Variants in PRR12 observed in about 807,000 individuals in gnomAD.
PRR12 encodes proline rich 12.
In PRR12, 12 loss-of-function variants were observed where a neutral mutation model predicts 138.0. That is an observed-to-expected ratio of 0.09 (90% CI 0.06 to 0.14). The LOEUF (loss-of-function observed/expected upper bound fraction) is 0.14. Among genes scored for constraint, PRR12 ranks in the 10% least tolerant of loss-of-function variants. PRR12 has a pLI of 1.00. For synonymous variants in PRR12, 1,567 were observed against 1,291.7 expected (o/e 1.21, Z -4.57); for missense variants, 2,692 against 2,861.3 (o/e 0.94, Z 1.35).
intron 5 of PRR12, 104 bp downstream of exon 5, chr19:49,600,042 A>G (rs2080801519): frequency 3.3e-6 from 4 of 1,206,190 alleles, no homozygotes; most frequent in African/African-American, 3.1e-5. Flanking sequence ...CCATTCACAT[A>G]CATGGTGTAA....
intron 11 of PRR12, 43 bp from the exon 12 acceptor site, chr19:49,624,801 T>C (rs2080946007): frequency 6.3e-7 from 1 of 1,593,780 alleles, no homozygotes; most frequent in East Asian, 2.2e-5. Flanking sequence ...TTGGGGTTTA[T>C]GGATCCAGGG....
chr19:49,599,980 T>G lies in PRR12; in HGVS notation c.4345+42T>G, dbSNP rs1250196807. ...TGGTCTGGGAGTAGAGCTTAAAGGT[T>G]ATTATGATCACTAGGTAACAGTTGT... On this transcript the variant is annotated intron_variant, in intron 5 of 13. Transcript: ENST00000418929. The surrounding 1 kb of genome is among the most constrained non-coding windows in gnomAD (Gnocchi z 5.0). The G allele has an allele frequency of 1.3e-6, 2 of 1,515,890 alleles. No homozygotes were observed. Among genetic ancestry groups the G allele is most frequent in the Non-Finnish European group, 1.8e-6 (2 of 1,125,854 alleles). 93.9% of individuals were successfully genotyped at this position (1,515,890 alleles called of 1,614,324 possible).
At position 49,601,718 on chromosome 19, in the gene PRR12, G is replaced by GCTC; in HGVS notation, c.4579_4581dup (p.Pro1527dup). On this transcript the variant is annotated inframe_insertion, in exon 6 of 14. Transcript: ENST00000418929. ...CCCACCAGCCGCTGCCCCACTGGCT[G>GCTC]CTCCTCCTGAGGAGCCCGCCGCCCC... 2.6e-6 allele frequency: 4 copies of GCTC among 1,543,592 alleles called. No homozygotes were observed. The highest frequency in any genetic ancestry group is 3.5e-6 in the Non-Finnish European group (4 of 1,147,078).
chr19:49,603,396 G>C (rs1485044442), intron 6 of PRR12, among the ~76,000 whole-genome samples: 1 of 152,218 alleles, frequency 6.6e-6, no homozygotes, highest in African/African-American at 2.4e-5. Flanking sequence ...TGTACAGTGT[G>C]ACATTTAATC....
rs187615535 is a variant in PRR12, at chr19:49,593,217, C to T, written c.87-110C>T. On this transcript the variant is annotated intron_variant, in intron 1 of 13. Transcript: ENST00000418929. ...CCTACGGTTCCTTAGCTTAACACCC[C>T]CCACCCCGGTCAGCTGGAAGGGTCC... is the stretch of plus-strand genomic sequence containing the variant. The T allele has an allele frequency of 9.0e-5, 54 of 600,056 alleles. No homozygotes were observed. In the African/African-American group the frequency reaches 9.2e-4, roughly 10 times the overall value. The allele number at this position is 600,056 out of a possible 1,614,324, so 37.2% of individuals were successfully genotyped here. A position where few individuals can be genotyped will look rare whatever the true frequency, so the allele number is the denominator to read the frequency against.
intron 11 of PRR12, among the ~76,000 whole-genome samples, chr19:49,623,153 C>G (rs2080934572): frequency 6.6e-6 from 1 of 151,708 alleles, no homozygotes; most frequent in African/African-American, 2.4e-5. Context: ...TTGGAAAATT[C>G]TGGGTAGCAT....
chr19:49,597,107 G>C lies in PRR12; in HGVS notation c.2772G>C (p.Pro924=). 1 of 1,551,044 alleles carries C rather than the reference G, an allele frequency of 6.4e-7. No individual in the cohort carries two copies. Among genetic ancestry groups the C allele is most frequent in the East Asian group, 2.4e-5 (1 of 41,044 alleles). Residue 924 remains proline, a synonymous_variant, in exon 4 of 14, where the codon CCG becomes CCC. Coordinates refer to ENST00000418929, the MANE Select transcript of PRR12 (RefSeq NM_020719.3). This position sits in a 1 kb window ranked among gnomAD's most constrained non-coding sequence, Gnocchi z 6.3. ...RSPSPQGTKA[P]RFVPLTSICF... is the part of the protein sequence containing the mutation. ...CCAGCCCGCAAGGCACCAAGGCGCCGCGTTTCGTGCCGCTCACCTCCATCT... is the reference window on the plus strand; with the variant it reads ...CCAGCCCGCAAGGCACCAAGGCGCCCCGTTTCGTGCCGCTCACCTCCATCT...
intron 8 of PRR12, 68 bp from the exon 9 acceptor site, chr19:49,615,679 A>G (rs548337667): frequency 7.5e-7 from 1 of 1,336,386 alleles, no homozygotes; most frequent in South Asian, 1.3e-5. Context: ...GGCACTGAGC[A>G]GGGACCCTGA....
At chr19:49,610,269 A>C (rs2080859111) in intron 6 of PRR12, among the ~76,000 whole-genome samples, 1 of 149,430 alleles carries the variant, frequency 6.7e-6, no homozygotes, top group African/African-American at 2.5e-5. Context: ...GCCACCCCGC[A>C]CCCAGCCTGG....
Position 49,621,516 on chromosome 19 carries a change from G to A in PRR12, c.5624-9G>A, listed in dbSNP as rs373986293. On this transcript the variant is annotated splice_polypyrimidine_tract_variant and intron_variant, in intron 10 of 13. Coordinates refer to ENST00000418929, the MANE Select transcript of PRR12 (RefSeq NM_020719.3). ...GTGGCCTTCCTGATACCATGTCCTC[G>A]TCCATCAGACGAGCTGTACCTGCCC... The A allele has an allele frequency of 6.3e-5, 100 of 1,594,346 alleles. No individual in the cohort carries two copies. The highest frequency in any genetic ancestry group is 2.1e-4 in the East Asian group (9 of 43,866).
rs540806313 is a variant in PRR12, at chr19:49,598,436, G to A, written c.3678+423G>A. On this transcript the variant is annotated intron_variant, in intron 4 of 13. Coordinates refer to ENST00000418929, the MANE Select transcript of PRR12 (RefSeq NM_020719.3). ...CGCACCTTGGCATTTTTGGGGCAGG[G>A]GGATAATAAGGTTTACATTTCTAAA... is the stretch of plus-strand genomic sequence containing the variant. 3.9e-5 allele frequency among the ~76,000 whole-genome samples: 6 copies of A among 152,228 alleles called. No individual in the cohort carries two copies. In the East Asian group the frequency reaches 1.2e-3, roughly 29 times the overall value.
Position 49,625,332 on chromosome 19 carries a change from A to G in PRR12, c.5965-129A>G, listed in dbSNP as rs1402176846. On this transcript the variant is annotated intron_variant, in intron 13 of 13. Transcript: ENST00000418929. The surrounding 1 kb of genome is among the most constrained non-coding windows in gnomAD (Gnocchi z 5.5). ...TTCAGGTCCTTCTGTCTTGGACTTA[A>G]GAATGCAGCCCCCAGCCCTGGTCTC... The G allele has an allele frequency of 6.9e-7, 1 of 1,441,054 alleles. No homozygotes were observed. Among genetic ancestry groups the G allele is most frequent in the East Asian group, 2.5e-5 (1 of 40,784 alleles). The allele number at this position is 1,441,054 out of a possible 1,614,324, so 89.3% of individuals were successfully genotyped here.
In PRR12 at chr19:49,599,546, C is replaced by T; in HGVS notation, c.3953C>T (p.Pro1318Leu). The change falls in exon 5 of 14, where the codon CCA becomes CTA. Residue 1318 changes from proline to leucine, a missense_variant. Transcript: ENST00000418929. This position sits in a 1 kb window ranked among gnomAD's most constrained non-coding sequence, Gnocchi z 5.0. ...CCCAAGAGTGTGCCACCCTCTGTGC[C>T]AGCCCGAGGCCTGCAGCCCCAGCCC... ...SPPKSVPPSV[P>L]ARGLQPQPPA... The T allele has an allele frequency of 1.3e-6, 2 of 1,595,374 alleles. No individual in the cohort carries two copies. The highest frequency in any genetic ancestry group is 2.3e-5 in the East Asian group (1 of 44,056).
Position 49,595,130 on chromosome 19 carries a change from C to T in PRR12, c.795C>T (p.Leu265=), listed in dbSNP as rs1367811808. ...AAAAEQSSPQ[L]YNFSGAAPGP... ...CTGCCGAGCAGTCCTCCCCACAGCTCTATAACTTCTCGGGTGCTGCCCCGG... is the reference window on the plus strand; with the variant it reads ...CTGCCGAGCAGTCCTCCCCACAGCTTTATAACTTCTCGGGTGCTGCCCCGG... The change falls in exon 4 of 14, where the codon CTC becomes CTT. Residue 265 remains leucine, a synonymous_variant. Transcript: ENST00000418929. 3 of 1,611,912 alleles carry T rather than the reference C, an allele frequency of 1.9e-6. No individual in the cohort carries two copies. Among genetic ancestry groups the T allele is most frequent in the African/African-American group, 2.7e-5 (2 of 74,896 alleles).
In PRR12 at chr19:49,593,351, C is replaced by G. The variant is rs777043764; in HGVS notation, c.111C>G (p.Thr37=). 7.4e-6 allele frequency: 12 copies of G among 1,611,280 alleles called. 1 individual carries two copies. The South Asian group carries it at 1.2e-4, about 16-fold the overall frequency. The change falls in exon 2 of 14, where the codon ACC becomes ACG. Residue 37 remains threonine, a synonymous_variant. Coordinates refer to ENST00000418929, the MANE Select transcript of PRR12 (RefSeq NM_020719.3). The stretch of plus-strand genomic sequence containing the variant: ...GCTTGGTTTATGGCAGCTCCAGGAC[C>G]TCGCACCCCGAGACGGACATCTTAC... ...KASLVYGSSR[T]SHPETDILHR... is the part of the protein sequence containing the mutation.
In PRR12 at chr19:49,614,837, G is replaced by C; in HGVS notation, c.4891-39G>C. The stretch of plus-strand genomic sequence containing the variant: ...GGGGTGTTGGCCATCTGGCTGGGCA[G>C]TGTGAAGAATTTCCTCATGTGCCTC... On this transcript the variant is annotated intron_variant, in intron 7 of 13. Coordinates refer to ENST00000418929, the MANE Select transcript of PRR12 (RefSeq NM_020719.3). This position sits in a 1 kb window ranked among gnomAD's most constrained non-coding sequence, Gnocchi z 5.0. 1.2e-6 allele frequency: 2 copies of C among 1,613,716 alleles called. No homozygotes were observed. The highest frequency in any genetic ancestry group is 1.7e-6 in the Non-Finnish European group (2 of 1,179,666).
chr19:49,602,053 T>G (rs1014586473), intron 6 of PRR12, 135 bp downstream of exon 6: 1 of 1,107,072 alleles, frequency 9.0e-7, no homozygotes, highest in Admixed American at 2.4e-5. Flanking sequence ...TTTGCAGTCC[T>G]ATGGGGCTGA....
At chr19:49,602,607 G>A (rs1048863937) in intron 6 of PRR12, among the ~76,000 whole-genome samples, 2 of 152,084 alleles carry the variant, frequency 1.3e-5, no homozygotes, top group Non-Finnish European at 2.9e-5. Flanking sequence ...GCTGGAGTGC[G>A]ATGGCTCAAT....
chr19:49,594,706 C>T lies in PRR12; in HGVS notation c.371C>T (p.Thr124Met), dbSNP rs2080752669. The T allele has an allele frequency of 5.0e-6, 8 of 1,612,672 alleles. No individual in the cohort carries two copies. The highest frequency in any genetic ancestry group is 6.8e-6 in the Non-Finnish European group (8 of 1,179,764). Residue 124 changes from threonine to methionine, a missense_variant, in exon 4 of 14, where the codon ACG becomes ATG. Physicochemically the swap from Thr to Met is moderately conservative, Grantham distance 81. Around this residue, in one of 11 missense-constraint regions of PRR12, gnomAD observed 211 missense variants for 266.3 expected, o/e 0.79. Coordinates refer to ENST00000418929, the MANE Select transcript of PRR12 (RefSeq NM_020719.3). The surrounding 1 kb of genome is among the most constrained non-coding windows in gnomAD (Gnocchi z 5.6). Reference sequence around the variant, plus strand: ...TCTTCCTCATCTCCAGCCATGCACACGCCAGGCCCCACGGAGCTCTTCATC... The same window carrying T: ...TCTTCCTCATCTCCAGCCATGCACATGCCAGGCCCCACGGAGCTCTTCATC... Reference protein sequence around the residue: ...RSPSWQTAMHTPGPTELFISG... With the variant: ...RSPSWQTAMHMPGPTELFISG...
Sources: allele counts gnomAD v4.1 joint callset (sites outside exome capture counted in the v4.1 genomes callset), GRCh38; gene constraint gnomAD v4.1.1; regional missense constraint gnomAD v4.1.1; non-coding constraint Gnocchi (gnomAD v3.1); transcripts MANE v1.5; gene names NCBI Gene and HGNC (gene_info 2026-07-23, HGNC 2026-07-21).